LRIG2: variants seen among roughly 807,000 people sequenced by gnomAD.
The protein encoded by LRIG2 is leucine rich repeats and immunoglobulin like domains 2.
A neutral mutation model predicts 107.8 loss-of-function variants in LRIG2; 93 were observed. The ratio of observed to expected loss-of-function variants is 0.86; its 90% CI spans 0.73 to 1.03. LRIG2 has a LOEUF of 1.03. Among genes scored for constraint, LRIG2 ranks in the 50% least tolerant of loss-of-function variants. The pLI is 0.00. For synonymous variants in LRIG2, 471 were observed against 470.6 expected (o/e 1.00, Z -0.01); for missense variants, 1,226 against 1,296.0 (o/e 0.95, Z 0.83).
chr1:113,116,407 C>G lies in LRIG2; in HGVS notation c.2651C>G (p.Ala884Gly), dbSNP rs1655014389. 6.2e-7 allele frequency: 1 copy of G among 1,611,554 alleles called. No individual in the cohort carries two copies. The highest frequency in any genetic ancestry group is 2.2e-5 in the East Asian group (1 of 44,654). The change falls in exon 16 of 18, where the codon GCC becomes GGC. Residue 884 changes from alanine to glycine, a missense_variant. This residue lies in a region of LRIG2 where 642 missense variants were observed against 712.2 expected (regional missense o/e 0.90). Coordinates refer to ENST00000361127, the MANE Select transcript of LRIG2 (RefSeq NM_014813.3). ...AGSHQQLMPP[A>G]NGYIHKGTDG... ...AGTCATCAGCAACTTATGCCTCCTG[C>G]CAATGGATATATACACAAAGGCACT... is the stretch of plus-strand genomic sequence containing the variant.
chr1:113,080,203 T>TA (rs1047109552), intron 1 of LRIG2, among the ~76,000 whole-genome samples: 5 of 150,758 alleles, frequency 3.3e-5, no homozygotes, highest in Non-Finnish European at 7.4e-5. Context: ...GTATTTTTAG[T>TA]AGAGACGGGG....
At chr1:113,117,873 T>G (rs1655082331) in intron 16 of LRIG2, among the ~76,000 whole-genome samples, 1 of 152,146 alleles carries the variant, frequency 6.6e-6, no homozygotes, top group Non-Finnish European at 1.5e-5. Flanking sequence ...AAATTACTTT[T>G]CACTCTCTTC....
At position 113,114,884 on chromosome 1, in the gene LRIG2, G is replaced by T. The variant is rs546756825; in HGVS notation, c.2530+8G>T. The T allele has an allele frequency of 6.4e-5, 102 of 1,587,834 alleles. 3 individuals are homozygous for T. The South Asian group carries it at 1.1e-3, about 18-fold the overall frequency. Reference sequence around the variant, plus strand: ...ATAGTATCACAAACACAGGTAAGTAGTACCCACATGACACCTATGGCTTGT... The same window carrying T: ...ATAGTATCACAAACACAGGTAAGTATTACCCACATGACACCTATGGCTTGT... On this transcript the variant is annotated splice_region_variant and intron_variant, in intron 15 of 17. Coordinates refer to ENST00000361127, the MANE Select transcript of LRIG2 (RefSeq NM_014813.3).
rs1446351845 is a variant in LRIG2 at position 113,093,534 on chromosome 1, C to G, written c.485C>G (p.Ser162Cys). ...AATATAATATCAGAAATCAAGACAT[C>G]TTCATTTCCTCGCATGCAGCTTAAA... ...SSNIISEIKT[S>C]SFPRMQLKYL... Residue 162 changes from serine to cysteine, a missense_variant, in exon 4 of 18, where the codon TCT becomes TGT. Transcript: ENST00000361127. The G allele has an allele frequency of 6.3e-7, 1 of 1,595,502 alleles. No individual in the cohort carries two copies. The highest frequency in any genetic ancestry group is 8.5e-7 in the Non-Finnish European group (1 of 1,170,594).
At position 113,114,579 on chromosome 1, in the gene LRIG2, G is replaced by A. The variant is rs1246367276; in HGVS notation, c.2233G>A (p.Ala745Thr). 1 of 1,613,888 alleles carries A rather than the reference G, an allele frequency of 6.2e-7. No individual in the cohort carries two copies. The highest frequency in any genetic ancestry group is 8.5e-7 in the Non-Finnish European group (1 of 1,180,014). The change falls in exon 15 of 18, where the codon GCT becomes ACT. Residue 745 changes from alanine (A) to threonine (T), a missense_variant. Physicochemically the swap from Ala to Thr is moderately conservative, Grantham distance 58. Transcript: ENST00000361127. ...GCTGGTGACAGAACGACATTTCTTT[G>A]CTGCAGCCAATCAGCTTCTCATCAT... ...PLLVTERHFF[A>T]AANQLLIIVD...
chr1:113,116,486 T>A, intron 16 of LRIG2, 50 bp downstream of exon 16: 3 of 1,498,336 alleles, frequency 2.0e-6, no homozygotes, highest in Non-Finnish European at 2.7e-6. Flanking sequence ...TCTATTGAGT[T>A]TACTTTTCAG....
At position 113,112,427 on chromosome 1, in the gene LRIG2, A is replaced by G. The variant is rs1654808755; in HGVS notation, c.1799-52A>G. 20 of 1,539,658 alleles carry G rather than the reference A, an allele frequency of 1.3e-5. 1 individual carries two copies. The South Asian group carries it at 2.4e-4, about 19-fold the overall frequency. On this transcript the variant is annotated intron_variant, in intron 13 of 17. Transcript: ENST00000361127. Reference sequence around the variant, plus strand: ...CTTTCATGCCTATTTGTATGCATATATGTGTCTTTGTTCCCTTGCCCACTT... The same window carrying G: ...CTTTCATGCCTATTTGTATGCATATGTGTGTCTTTGTTCCCTTGCCCACTT...
intron 1 of LRIG2, among the ~76,000 whole-genome samples, chr1:113,088,955 T>C (rs563851228): frequency 6.6e-6 from 1 of 152,342 alleles, no homozygotes; most frequent in Non-Finnish European, 1.5e-5. Flanking sequence ...TGAGTGTCCT[T>C]GAGCTGATAC....
intron 1 of LRIG2, among the ~76,000 whole-genome samples, chr1:113,082,191 C>T (rs74987852): frequency 6.6e-6 from 1 of 152,118 alleles, no homozygotes; most frequent in Non-Finnish European, 1.5e-5. Context: ...TCTTCTTTAT[C>T]CTGGTATATC....
At chr1:113,110,674 G>A in intron 13 of LRIG2, 112 bp downstream of exon 13, 1 of 793,014 alleles carries the variant, frequency 1.3e-6, no homozygotes, top group Non-Finnish European at 2.0e-6. Context: ...GACTCTTACT[G>A]TTATTGTCTT....
chr1:113,119,470 C>T lies in LRIG2; in HGVS notation c.2918C>T (p.Thr973Ile), dbSNP rs1655154582. The change falls in exon 17 of 18, where the codon ACC becomes ATC. Residue 973 changes from threonine (T) to isoleucine (I), a missense_variant. This residue lies in a region of LRIG2 where 642 missense variants were observed against 712.2 expected (regional missense o/e 0.90). Transcript: ENST00000361127. ...SANREPSAFP[T>I]NHERISEKKL... ...AACAGAGAGCCATCTGCCTTTCCCACCAACCATGAGAGGATAAGTGAGAAG... is the reference window on the plus strand; with the variant it reads ...AACAGAGAGCCATCTGCCTTTCCCATCAACCATGAGAGGATAAGTGAGAAG... 1 of 1,614,034 alleles carries T rather than the reference C, an allele frequency of 6.2e-7. No individual in the cohort carries two copies. The highest frequency in any genetic ancestry group is 2.2e-5 in the East Asian group (1 of 44,890).
At position 113,130,210 on chromosome 1, in the gene LRIG2, C is replaced by T. The variant is rs1655653981; in HGVS notation, c.*6109C>T. On this transcript the variant is annotated 3_prime_UTR_variant, in exon 18 of 18. Coordinates refer to ENST00000361127, the MANE Select transcript of LRIG2 (RefSeq NM_014813.3). ...AGTACTTTCCCTCGTATACAAGCTACTCTCCTGAAAAAAATAGCAGGAACC... is the reference window on the plus strand; with the variant it reads ...AGTACTTTCCCTCGTATACAAGCTATTCTCCTGAAAAAAATAGCAGGAACC... 1 of 152,136 alleles carries T rather than the reference C, an allele frequency of 6.6e-6. No homozygotes were observed. Among genetic ancestry groups the T allele is most frequent in the Admixed American group, 6.5e-5 (1 of 15,268 alleles). 9.4% of individuals were successfully genotyped at this position (152,136 alleles called of 1,614,324 possible).
chr1:113,100,388 G>A, intron 10 of LRIG2, 32 bp from the exon 11 acceptor site: 1 of 1,429,592 alleles, frequency 7.0e-7, no homozygotes. Flanking sequence ...TAGAAATGGT[G>A]ACTGATAATG....
At chr1:113,117,730 C>T (rs1164492194) in intron 16 of LRIG2, among the ~76,000 whole-genome samples, 1 of 152,162 alleles carries the variant, frequency 6.6e-6, no homozygotes, top group African/African-American at 2.4e-5. Flanking sequence ...ATCTGCCTGC[C>T]TCAGCCTCCC....
intron 2 of LRIG2, among the ~76,000 whole-genome samples, chr1:113,092,182 T>TAATAAA (rs2101032892): frequency 6.6e-6 from 1 of 152,334 alleles, no homozygotes; most frequent in Admixed American, 6.5e-5. Context: ...CAGTGGGAAG[T>TAATAAA]GCATGAGCTT....
intron 17 of LRIG2, among the ~76,000 whole-genome samples, chr1:113,120,806 G>A (rs958536169): frequency 2.0e-5 from 3 of 151,462 alleles, no homozygotes; most frequent in Admixed American, 1.3e-4. Flanking sequence ...CACTGTGCCC[G>A]GCCTACTGAG....
intron 11 of LRIG2, among the ~76,000 whole-genome samples, chr1:113,106,488 G>A (rs988427461): frequency 2.3e-4 from 35 of 152,004 alleles, no homozygotes; most frequent in Non-Finnish European, 1.5e-5. Flanking sequence ...CACATTGCAC[G>A]GTGTTGAAGT....
chr1:113,097,642 T>G (rs971102725), intron 8 of LRIG2, among the ~76,000 whole-genome samples: 9 of 152,238 alleles, frequency 5.9e-5, no homozygotes, highest in Non-Finnish European at 7.3e-5. Context: ...TACCACTGAT[T>G]ATTACTTTTA....
intron 9 of LRIG2, among the ~76,000 whole-genome samples, 188 bp downstream of exon 9, chr1:113,098,973 C>T (rs1216920837): frequency 1.3e-5 from 2 of 152,132 alleles, no homozygotes; most frequent in Non-Finnish European, 2.9e-5. Flanking sequence ...CTCTGTATCC[C>T]AGGCTGGGAT....
Sources: allele counts gnomAD v4.1 joint callset (sites outside exome capture counted in the v4.1 genomes callset), GRCh38; gene constraint gnomAD v4.1.1; regional missense constraint gnomAD v4.1.1; transcripts MANE v1.5; gene names NCBI Gene and HGNC (gene_info 2026-07-23, HGNC 2026-07-21).